Variants in EPAS1 observed in about 807,000 individuals in gnomAD.
The protein encoded by EPAS1 is endothelial PAS domain protein 1.
EPAS1 carries 23 observed loss-of-function variants against 87.9 expected under a neutral mutation model. The observed-to-expected ratio is 0.26, with a 90% confidence interval of 0.19 to 0.37. The LOEUF (loss-of-function observed/expected upper bound fraction) is 0.37, where lower values mean the gene tolerates loss of function less well. Among genes scored for constraint, EPAS1 ranks in the 10% least tolerant of loss-of-function variants. The pLI is 1.00. For missense variants in EPAS1, 1,138 were observed against 1,120.7 expected, an observed-to-expected ratio of 1.02 and a Z score of -0.22; for synonymous variants, 508 against 444.3, an observed-to-expected ratio of 1.14 and a Z score of -1.80.
chr2:46,375,224 G>A lies in EPAS1; in HGVS notation c.887-466G>A, dbSNP rs1436255069. 6.7e-6 allele frequency among the ~76,000 whole-genome samples: 1 copy of A among 149,816 alleles called. No homozygotes were observed. Among genetic ancestry groups the A allele is most frequent in the South Asian group, 2.1e-4 (1 of 4,714 alleles). On this transcript the variant is annotated intron_variant, in intron 7 of 15. Coordinates refer to ENST00000263734, the MANE Select transcript of EPAS1 (RefSeq NM_001430.5). The surrounding 1 kb of genome is among the most constrained non-coding windows in gnomAD (Gnocchi z 4.1). ...ACAAAAAAAACTGCCCTGAGGTCAG[G>A]CTTTCTCCAGGCTGCTTAGAAGTCC...
chr2:46,297,804 C>T lies in EPAS1; in HGVS notation c.-108C>T, dbSNP rs1194804861. 1.3e-6 allele frequency: 2 copies of T among 1,488,214 alleles called. No individual in the cohort carries two copies. Among genetic ancestry groups the T allele is most frequent in the African/African-American group, 2.8e-5 (2 of 71,490 alleles). 92.2% of individuals were successfully genotyped at this position (1,488,214 alleles called of 1,614,324 possible). On this transcript the variant is annotated 5_prime_UTR_variant, in exon 1 of 16. Coordinates refer to ENST00000263734, the MANE Select transcript of EPAS1 (RefSeq NM_001430.5). ...GCTCGGGACCTGCGCGCACCTCGGACCTTCACCACCCGCCCGGGCCGCGGG... is the reference window on the plus strand; with the variant it reads ...GCTCGGGACCTGCGCGCACCTCGGATCTTCACCACCCGCCCGGGCCGCGGG...
At chr2:46,335,098 G>A (rs576437277) in intron 1 of EPAS1, among the ~76,000 whole-genome samples, 1 of 152,202 alleles carries the variant, frequency 6.6e-6, no homozygotes, top group Admixed American at 6.5e-5. Flanking sequence ...AAGGGGTTAT[G>A]AGGATGGGGG....
chr2:46,302,607 C>G (rs927305474), intron 1 of EPAS1, among the ~76,000 whole-genome samples: 3 of 152,014 alleles, frequency 2.0e-5, no homozygotes, highest in Non-Finnish European at 2.9e-5. Context: ...GATATTCACC[C>G]TAAGATATAA....
intron 1 of EPAS1, among the ~76,000 whole-genome samples, chr2:46,340,997 G>C (rs1354390427): frequency 1.3e-5 from 2 of 152,166 alleles, no homozygotes; most frequent in Admixed American, 1.3e-4. Flanking sequence ...TGTGATTATA[G>C]GCATGAGTCA....
At chr2:46,361,119 G>A in intron 6 of EPAS1, 29 bp downstream of exon 6, 1 of 1,609,210 alleles carries the variant, frequency 6.2e-7, no homozygotes, top group South Asian at 1.1e-5. Flanking sequence ...GTATGCTGTG[G>A]GCAGAGATGG....
intron 1 of EPAS1, among the ~76,000 whole-genome samples, chr2:46,322,545 C>A (rs1037923500): frequency 3.3e-5 from 5 of 152,176 alleles, no homozygotes; most frequent in African/African-American, 9.7e-5. Context: ...TGAGAGTGTG[C>A]ATTTCTAACA....
At chr2:46,325,787 A>T (rs11125070) in intron 1 of EPAS1, among the ~76,000 whole-genome samples, 30,937 of 152,128 alleles carry the variant, frequency 0.2, 3,936 homozygotes, top group Admixed American at 0.27. Context: ...TTGAAATCCT[A>T]TTACCATGAT....
At chr2:46,383,028 T>C (rs573466121) in intron 15 of EPAS1, among the ~76,000 whole-genome samples, 1 of 151,688 alleles carries the variant, frequency 6.6e-6, no homozygotes, top group African/African-American at 2.4e-5. Flanking sequence ...AGAGAGAGAG[T>C]TGGGAAGCGG....
intron 1 of EPAS1, among the ~76,000 whole-genome samples, chr2:46,331,871 A>G (rs1229420334): frequency 6.6e-6 from 1 of 152,206 alleles, no homozygotes; most frequent in Non-Finnish European, 1.5e-5. Context: ...CTGAGGCTTC[A>G]GGACTTTCAG....
intron 1 of EPAS1, among the ~76,000 whole-genome samples, chr2:46,336,346 G>A (rs1385404628): frequency 2.0e-5 from 3 of 152,064 alleles, no homozygotes; most frequent in Non-Finnish European, 4.4e-5. Flanking sequence ...GCATAGAAAA[G>A]CCACCAAGAC....
In EPAS1 at chr2:46,375,718, C is replaced by G; in HGVS notation, c.915C>G (p.Gly305=). The G allele has an allele frequency of 6.2e-7, 1 of 1,614,130 alleles. No individual in the cohort carries two copies. Among genetic ancestry groups the G allele is most frequent in the Non-Finnish European group, 8.5e-7 (1 of 1,180,012 alleles). ...GCACCAAGGGTCAGGTAGTAAGTGG[C>G]CAGTACCGGATGCTCGCAAAGCATG... ...NLCTKGQVVS[G]QYRMLAKHGG... Residue 305 remains glycine (G), a synonymous_variant, in exon 8 of 16, where the codon GGC becomes GGG. Coordinates refer to ENST00000263734, the MANE Select transcript of EPAS1 (RefSeq NM_001430.5). The surrounding 1 kb of genome is among the most constrained non-coding windows in gnomAD (Gnocchi z 4.1).
chr2:46,298,732 G>C (rs938673029), intron 1 of EPAS1, among the ~76,000 whole-genome samples: 2 of 152,220 alleles, frequency 1.3e-5, no homozygotes, highest in Non-Finnish European at 2.9e-5. Context: ...CACTGGGTGA[G>C]AGGCAACTCT....
chr2:46,369,560 G>A (rs1684582326), intron 6 of EPAS1, among the ~76,000 whole-genome samples: 2 of 152,166 alleles, frequency 1.3e-5, no homozygotes, highest in Admixed American at 1.3e-4. Context: ...GGGGTGGTGG[G>A]GAGAGGGAGT....
intron 14 of EPAS1, 63 bp downstream of exon 14, chr2:46,382,152 G>GC: frequency 6.8e-7 from 1 of 1,479,714 alleles, no homozygotes; most frequent in Non-Finnish European, 9.3e-7. Flanking sequence ...GGGCTCGGGA[G>GC]CCCATCCTGG....
chr2:46,303,215 C>T (rs1683046477), intron 1 of EPAS1, among the ~76,000 whole-genome samples: 1 of 152,154 alleles, frequency 6.6e-6, no homozygotes, highest in Admixed American at 6.5e-5. Context: ...CACATAAGCA[C>T]ACACAATTAT....
intron 7 of EPAS1, among the ~76,000 whole-genome samples, chr2:46,374,447 C>T (rs1173237817): frequency 6.6e-6 from 1 of 152,200 alleles, no homozygotes; most frequent in Non-Finnish European, 1.5e-5. Context: ...CACTTATGTA[C>T]CTGATAAGCC....
Position 46,385,424 on chromosome 2 carries a change from CTTTGTAA to C in EPAS1, c.*766_*772del, listed in dbSNP as rs1684995288. ...TAAGTGTTTATCATATATATGGGTA[CTTTGTAA>C]TATCTAAAAACTTAGAAACGGAAAT... On this transcript the variant is annotated 3_prime_UTR_variant, in exon 16 of 16. Transcript: ENST00000263734. The C allele has an allele frequency of 6.6e-6, 1 of 152,284 alleles. No homozygotes were observed. The highest frequency in any genetic ancestry group is 6.5e-5 in the Admixed American group (1 of 15,272). The allele number at this position is 152,284 out of a possible 1,614,324, so 9.4% of individuals were successfully genotyped here.
chr2:46,350,693 G>A (rs557764549), intron 2 of EPAS1, among the ~76,000 whole-genome samples: 4 of 152,338 alleles, frequency 2.6e-5, no homozygotes, highest in African/African-American at 7.2e-5. Flanking sequence ...GCATTAAACC[G>A]CAGTGAATAT....
At chr2:46,327,951 T>C (rs1683596114) in intron 1 of EPAS1, among the ~76,000 whole-genome samples, 1 of 152,124 alleles carries the variant, frequency 6.6e-6, no homozygotes, top group Admixed American at 6.5e-5. Flanking sequence ...AATTCTCTGC[T>C]CCCAAATGTT....
Sources: gnomAD v4.1 joint callset for allele counts (sites outside exome capture counted in the v4.1 genomes callset) on GRCh38, gnomAD v4.1.1 for gene constraint, Gnocchi (gnomAD v3.1) non-coding constraint, MANE v1.5 for transcripts, NCBI Gene and HGNC (gene_info 2026-07-23, HGNC 2026-07-21) for gene names.